The following HK2 variants were observed in gnomAD, a reference collection of about 807,000 sequenced individuals.
The protein encoded by HK2 is hexokinase-2.
HK2 carries 42 observed loss-of-function variants against 92.9 expected under a neutral mutation model. The ratio of observed to expected loss-of-function variants is 0.45; its 90% CI spans 0.35 to 0.58. HK2 has a LOEUF of 0.58. Among genes scored for constraint, HK2 ranks in the 20% least tolerant of loss-of-function variants. The pLI is 0.00. For missense variants in HK2, 978 were observed against 1,245.1 expected (o/e 0.79, Z 3.23); for synonymous variants, 422 against 468.0 (o/e 0.90, Z 1.27).
chr2:74,866,064 G>A (rs1688940280), intron 2 of HK2, among the ~76,000 whole-genome samples: 1 of 152,082 alleles, frequency 6.6e-6, no homozygotes. Flanking sequence ...CAGTCTCCGT[G>A]TGTCACATCG....
At position 74,838,402 on chromosome 2, in the gene HK2, TCCAAAGCATGACCTGAGG is replaced by T. The variant is rs562656655; in HGVS notation, c.63+3780_63+3797del. ...GGGGTAGTTCGCAGTTATCTCTTCA[TCCAAAGCATGACCTGAGG>T]CCAAAGCATGACCTGAGGCCGGTCC... On this transcript the variant is annotated intron_variant, in intron 1 of 17. Coordinates refer to ENST00000290573, the MANE Select transcript of HK2 (RefSeq NM_000189.5). Among the ~76,000 whole-genome samples the T allele has an allele frequency of 1.6e-4, 25 of 152,058 alleles. No individual in the cohort carries two copies. In the South Asian group the frequency reaches 1.7e-3, roughly 10 times the overall value.
intron 4 of HK2, among the ~76,000 whole-genome samples, chr2:74,872,970 AAC>A (rs1437688879): frequency 6.6e-6 from 1 of 152,250 alleles, no homozygotes; most frequent in Non-Finnish European, 1.5e-5. Flanking sequence ...AGGCAATTGT[AAC>A]ACAGTGATAT....
intron 12 of HK2, among the ~76,000 whole-genome samples, chr2:74,883,585 A>G (rs899476485): frequency 6.6e-6 from 1 of 152,182 alleles, no homozygotes; most frequent in African/African-American, 2.4e-5. Flanking sequence ...GGCTTCACTG[A>G]GTTTTGTAGA....
Position 74,892,365 on chromosome 2 carries a change from G to A in HK2, c.*1424G>A, listed in dbSNP as rs1171323030. 1 of 152,164 alleles carries A rather than the reference G, an allele frequency of 6.6e-6. No homozygotes were observed. Among genetic ancestry groups the A allele is most frequent in the Non-Finnish European group, 1.5e-5 (1 of 68,036 alleles). The allele number at this position is 152,164 out of a possible 1,614,324, so 9.4% of individuals were successfully genotyped here. On this transcript the variant is annotated 3_prime_UTR_variant, in exon 18 of 18. Transcript: ENST00000290573. Reference sequence around the variant, plus strand: ...GCCCTCCCAGCAAGTTTCACCTTGGGTTTGTATTTTAAATGTTTTACAAGA... The same window carrying A: ...GCCCTCCCAGCAAGTTTCACCTTGGATTTGTATTTTAAATGTTTTACAAGA...
chr2:74,890,260 G>A (rs1689643103), intron 17 of HK2, among the ~76,000 whole-genome samples: 1 of 152,160 alleles, frequency 6.6e-6, no homozygotes, highest in Non-Finnish European at 1.5e-5. Context: ...CTCTTTCTCT[G>A]GTCCATATAG....
Position 74,886,420 on chromosome 2 carries a change from A to G in HK2, c.2035+27A>G, listed in dbSNP as rs1036071440. 6 of 1,613,602 alleles carry G rather than the reference A, an allele frequency of 3.7e-6. No homozygotes were observed. In the African/African-American group the frequency reaches 5.3e-5, roughly 14 times the overall value. On this transcript the variant is annotated intron_variant, in intron 14 of 17. Transcript: ENST00000290573. Reference sequence around the variant, plus strand: ...TAAGGACCCAGACTGTCCTTTCCACATGGGGATGCACAGCCTTGGGTGTGG... The same window carrying G: ...TAAGGACCCAGACTGTCCTTTCCACGTGGGGATGCACAGCCTTGGGTGTGG...
rs1333892157 is a variant in HK2 at position 74,873,365 on chromosome 2, G to A, written c.585G>A (p.Arg195=). 2 of 1,612,942 alleles carry A rather than the reference G, an allele frequency of 1.2e-6. No homozygotes were observed. The highest frequency in any genetic ancestry group is 1.7e-6 in the Non-Finnish European group (2 of 1,178,930). ...VVALIRKAIQ[R]RGDFDIDIVA... Reference sequence around the variant, plus strand: ...CTCTGATCCGGAAGGCCATCCAGAGGAGAGGGGTGAGTGGGGTGGCAGGAG... The same window carrying A: ...CTCTGATCCGGAAGGCCATCCAGAGAAGAGGGGTGAGTGGGGTGGCAGGAG... Residue 195 remains arginine, a synonymous_variant, in exon 5 of 18, where the codon AGG becomes AGA. Transcript: ENST00000290573.
chr2:74,862,716 T>C (rs988466267), intron 2 of HK2, among the ~76,000 whole-genome samples: 2 of 152,210 alleles, frequency 1.3e-5, no homozygotes, highest in African/African-American at 2.4e-5. Flanking sequence ...ATTGTACTGA[T>C]AGATAGCCTC....
intron 16 of HK2, among the ~76,000 whole-genome samples, chr2:74,888,362 C>T (rs577570015): frequency 8.5e-5 from 13 of 152,292 alleles, no homozygotes; most frequent in Non-Finnish European, 1.6e-4. Context: ...TAAATTGAAA[C>T]GCACAGAGGA....
intron 15 of HK2, among the ~76,000 whole-genome samples, chr2:74,887,226 CAT>C (rs1196052742): frequency 2.8e-4 from 42 of 152,312 alleles, no homozygotes; most frequent in Admixed American, 1.2e-3. Context: ...CTTTGCAAAA[CAT>C]GTGTCTAGAA....
At chr2:74,853,576 A>G (rs1688622054) in intron 1 of HK2, among the ~76,000 whole-genome samples, 1 of 151,430 alleles carries the variant, frequency 6.6e-6, no homozygotes, top group East Asian at 1.9e-4. Flanking sequence ...AATTAGCCAG[A>G]CATGGTGGCA....
intron 15 of HK2, 148 bp from the exon 16 acceptor site, chr2:74,887,755 G>A: frequency 2.6e-6 from 2 of 759,546 alleles, no homozygotes; most frequent in Non-Finnish European, 4.7e-6. Context: ...TCCTGCCCAA[G>A]TGAATCAAGT....
At chr2:74,858,756 A>G (rs1041672593) in intron 2 of HK2, among the ~76,000 whole-genome samples, 1 of 152,248 alleles carries the variant, frequency 6.6e-6, no homozygotes, top group African/African-American at 2.4e-5. Flanking sequence ...TCTAATTGTA[A>G]TCAAAGTCCT....
At chr2:74,862,661 A>G (rs1688857144) in intron 2 of HK2, among the ~76,000 whole-genome samples, 1 of 152,226 alleles carries the variant, frequency 6.6e-6, no homozygotes, top group Non-Finnish European at 1.5e-5. Context: ...AGCACACAGC[A>G]AGTTAATTGG....
intron 1 of HK2, among the ~76,000 whole-genome samples, chr2:74,850,599 T>C (rs1688544017): frequency 6.6e-6 from 1 of 152,230 alleles, no homozygotes; most frequent in Non-Finnish European, 1.5e-5. Context: ...GTACATCTGC[T>C]ATCACCTGCT....
chr2:74,885,402 T>G, intron 12 of HK2, 92 bp from the exon 13 acceptor site: 1 of 839,030 alleles, frequency 1.2e-6, no homozygotes, highest in Non-Finnish European at 2.1e-6. Flanking sequence ...GTCTGACCTG[T>G]GAGGTTGAGA....
chr2:74,859,959 A>G (rs1385348216), intron 2 of HK2, among the ~76,000 whole-genome samples: 1 of 152,248 alleles, frequency 6.6e-6, no homozygotes, highest in Non-Finnish European at 1.5e-5. Flanking sequence ...AAACTGTGGT[A>G]TATATACATA....
At chr2:74,855,432 T>A (rs560309377) in intron 2 of HK2, among the ~76,000 whole-genome samples, 289 of 152,324 alleles carry the variant, frequency 1.9e-3, no homozygotes, top group African/African-American at 6.8e-3. Flanking sequence ...CGCAGTGGCG[T>A]GATCTCCATT....
chr2:74,842,107 C>G (rs1048322738), intron 1 of HK2, among the ~76,000 whole-genome samples: 1 of 152,222 alleles, frequency 6.6e-6, no homozygotes, highest in Non-Finnish European at 1.5e-5. Context: ...GTTTGGATAA[C>G]ACTTTAATTG....
Sources: gnomAD v4.1 joint callset for allele counts (sites outside exome capture counted in the v4.1 genomes callset) on GRCh38, gnomAD v4.1.1 for gene constraint, MANE v1.5 for transcripts, NCBI Gene and HGNC (gene_info 2026-07-23, HGNC 2026-07-21) for gene names.